The following F13A1 variants were observed in gnomAD, a reference collection of about 807,000 sequenced individuals.
The protein encoded by F13A1 is coagulation factor XIII A chain, also known as FSF, A subunit.
In F13A1, 47 loss-of-function variants were observed where a neutral mutation model predicts 80.1. The ratio of observed to expected loss-of-function variants is 0.59; its 90% CI spans 0.46 to 0.75. F13A1 has a LOEUF of 0.75. Ranked by LOEUF, F13A1 falls within the 30% of genes least tolerant of loss-of-function variation. The pLI is 0.00. For missense variants in F13A1, 817 were observed against 930.4 expected (o/e 0.88, Z 1.59); for synonymous variants, 349 against 344.9 (o/e 1.01, Z -0.13).
chr6:6,147,713 T>A (rs542821300), intron 14 of F13A1, among the ~76,000 whole-genome samples: 1 of 152,340 alleles, frequency 6.6e-6, no homozygotes, highest in Non-Finnish European at 1.5e-5. Context: ...CCCCCTCTTA[T>A]CATTTTCTCT....
intron 8 of F13A1, among the ~76,000 whole-genome samples, chr6:6,211,047 TAA>T (rs1355804883): frequency 1.3e-5 from 2 of 152,214 alleles, no homozygotes; most frequent in African/African-American, 4.8e-5. Context: ...GATGTCATTT[TAA>T]AAAGAGTGGG....
intron 4 of F13A1, among the ~76,000 whole-genome samples, chr6:6,256,625 G>A (rs1334507419): frequency 2.0e-5 from 3 of 152,144 alleles, no homozygotes; most frequent in East Asian, 1.9e-4. Flanking sequence ...AAAGAAAAGA[G>A]TGGGCCAAGA....
chr6:6,253,984 T>C (rs1757671069), intron 4 of F13A1, among the ~76,000 whole-genome samples: 1 of 152,162 alleles, frequency 6.6e-6, no homozygotes, highest in Admixed American at 6.5e-5. Context: ...TTATTTCACC[T>C]GACATGTTCC....
chr6:6,316,082 TA>T (rs1758678066), intron 2 of F13A1, among the ~76,000 whole-genome samples: 1 of 3,616 alleles, frequency 2.8e-4, no homozygotes, highest in Non-Finnish European at 5.1e-4. Context: ...TGTGTGCATA[TA>T]TATATATATA....
intron 3 of F13A1, among the ~76,000 whole-genome samples, chr6:6,275,464 G>A (rs1170855760): frequency 6.6e-6 from 1 of 152,128 alleles, no homozygotes; most frequent in Non-Finnish European, 1.5e-5. Flanking sequence ...CCACCTTCCA[G>A]GTTCAAGCGA....
intron 3 of F13A1, among the ~76,000 whole-genome samples, chr6:6,300,324 G>A (rs957983788): frequency 6.6e-6 from 1 of 150,970 alleles, no homozygotes; most frequent in South Asian, 2.1e-4. Flanking sequence ...GGCAATGGCG[G>A]GCGCCCCTCC....
At chr6:6,190,394 G>A (rs1395621624) in intron 10 of F13A1, among the ~76,000 whole-genome samples, 2 of 151,866 alleles carry the variant, frequency 1.3e-5, no homozygotes, top group Non-Finnish European at 2.9e-5. Flanking sequence ...ATGTACAGAT[G>A]GGTTTTTGGT....
At chr6:6,267,872 C>T (rs759854042) in intron 3 of F13A1, among the ~76,000 whole-genome samples, 2 of 152,174 alleles carry the variant, frequency 1.3e-5, no homozygotes, top group African/African-American at 2.4e-5. Context: ...CTCAGCTTCA[C>T]CTTTGTGCTA....
chr6:6,193,407 G>C (rs1761236171), intron 10 of F13A1, among the ~76,000 whole-genome samples: 1 of 152,140 alleles, frequency 6.6e-6, no homozygotes, highest in African/African-American at 2.4e-5. Context: ...AGCAGAGAGA[G>C]CCACAGACTC....
At chr6:6,266,212 T>C (rs1757842181) in intron 4 of F13A1, among the ~76,000 whole-genome samples, 1 of 152,204 alleles carries the variant, frequency 6.6e-6, no homozygotes, top group Non-Finnish European at 1.5e-5. Context: ...AAAAGAGATG[T>C]ATTGGAAATA....
intron 3 of F13A1, among the ~76,000 whole-genome samples, chr6:6,283,048 G>C: frequency 6.6e-6 from 1 of 152,168 alleles, no homozygotes; most frequent in East Asian, 1.9e-4. Flanking sequence ...AACATCATCA[G>C]TAATGGGATC....
At chr6:6,182,223 C>G in intron 10 of F13A1, 82 bp from the exon 11 acceptor site, 6 of 1,472,424 alleles carry the variant, frequency 4.1e-6, no homozygotes, top group Non-Finnish European at 5.7e-6. Context: ...GAGCAGTCGT[C>G]TAGAGATCTC....
intron 8 of F13A1, among the ~76,000 whole-genome samples, chr6:6,214,174 C>T (rs1413337986): frequency 5.0e-5 from 7 of 140,464 alleles, no homozygotes; most frequent in African/African-American, 1.7e-4. Flanking sequence ...CTGCACCAAG[C>T]GGACCTAATA....
chr6:6,289,431 T>TACACAC (rs58774884), intron 3 of F13A1, among the ~76,000 whole-genome samples: 4 of 149,472 alleles, frequency 2.7e-5, no homozygotes, highest in African/African-American at 9.8e-5. Context: ...ACTATGCAAA[T>TACACAC]ACACACACAC....
At chr6:6,191,395 A>T (rs548906867) in intron 10 of F13A1, among the ~76,000 whole-genome samples, 1 of 152,206 alleles carries the variant, frequency 6.6e-6, no homozygotes, top group South Asian at 2.1e-4. Context: ...CTATCCCTAC[A>T]CTTGAAGGGT....
chr6:6,192,778 G>T (rs1052942283), intron 10 of F13A1, among the ~76,000 whole-genome samples: 1 of 152,086 alleles, frequency 6.6e-6, no homozygotes, highest in Non-Finnish European at 1.5e-5. Context: ...TCATCTCAGC[G>T]CCAGTGAGGG....
At chr6:6,290,345 G>A (rs971200540) in intron 3 of F13A1, among the ~76,000 whole-genome samples, 3 of 152,158 alleles carry the variant, frequency 2.0e-5, no homozygotes. Context: ...TTCAAGTTCT[G>A]TCAGCCACCT....
intron 12 of F13A1, among the ~76,000 whole-genome samples, chr6:6,173,917 G>GTGT (rs1412491770): frequency 6.6e-6 from 1 of 152,112 alleles, no homozygotes; most frequent in Non-Finnish European, 1.5e-5. Context: ...GATTCAGAGG[G>GTGT]TGTGGGGTGG....
chr6:6,282,591 T>C (rs1473710842), intron 3 of F13A1, among the ~76,000 whole-genome samples: 4 of 152,242 alleles, frequency 2.6e-5, no homozygotes, highest in African/African-American at 9.6e-5. Context: ...TGTTGGGCTC[T>C]GTGATGTTCT....
Sources: gnomAD v4.1 joint callset for allele counts (sites outside exome capture counted in the v4.1 genomes callset) on GRCh38, gnomAD v4.1.1 for gene constraint, MANE v1.5 for transcripts, NCBI Gene and HGNC (gene_info 2026-07-23, HGNC 2026-07-21) for gene names.